CACNA2D3: variants seen among roughly 807,000 people sequenced by gnomAD.
The protein encoded by CACNA2D3 is calcium voltage-gated channel auxiliary subunit alpha2delta 3.
In CACNA2D3, 60 loss-of-function variants were observed where a neutral mutation model predicts 160.6. The observed-to-expected ratio is 0.37, with a 90% CI of 0.30 to 0.46. CACNA2D3 has a LOEUF of 0.46. CACNA2D3 is among the 20% of genes least tolerant of loss of function. CACNA2D3 has a pLI of 1.00. For missense variants in CACNA2D3, 1,205 were observed against 1,365.0 expected (o/e 0.88, Z 1.85); for synonymous variants, 558 against 492.9 (o/e 1.13, Z -1.75).
chr3:54,932,597 C>G (rs1311001140), intron 27 of CACNA2D3, among the ~76,000 whole-genome samples: 1 of 152,194 alleles, frequency 6.6e-6, no homozygotes, highest in Non-Finnish European at 1.5e-5. Context: ...ATATAGCATG[C>G]CTAGAGTTTG....
chr3:54,123,704 A>T, intron 2 of CACNA2D3, 110 bp downstream of exon 2: 1 of 872,050 alleles, frequency 1.1e-6, no homozygotes, highest in South Asian at 1.4e-5. Context: ...TTATCGGAGG[A>T]CTCTCTGATC....
chr3:54,263,308 A>G (rs1162497500), intron 2 of CACNA2D3, among the ~76,000 whole-genome samples: 1 of 152,248 alleles, frequency 6.6e-6, no homozygotes, highest in East Asian at 1.9e-4. Context: ...AAAAATTAAT[A>G]GTCAGAAATA....
chr3:54,996,782 T>C (rs756303188), intron 31 of CACNA2D3, among the ~76,000 whole-genome samples: 2 of 152,038 alleles, frequency 1.3e-5, no homozygotes, highest in Admixed American at 6.6e-5. Flanking sequence ...CAAATGCCCA[T>C]CAATGATAGA....
chr3:54,610,056 C>T (rs1051821260), intron 9 of CACNA2D3, among the ~76,000 whole-genome samples: 1 of 152,138 alleles, frequency 6.6e-6, no homozygotes, highest in South Asian at 2.1e-4. Context: ...TCCTTGGCAT[C>T]TAGATGCATC....
intron 25 of CACNA2D3, among the ~76,000 whole-genome samples, chr3:54,893,015 C>T (rs1043543113): frequency 6.6e-6 from 1 of 152,180 alleles, no homozygotes; most frequent in African/African-American, 2.4e-5. Context: ...GTGACTCATG[C>T]CTGTAATCCC....
At chr3:54,565,839 C>A (rs1284764924) in intron 6 of CACNA2D3, among the ~76,000 whole-genome samples, 1 of 152,140 alleles carries the variant, frequency 6.6e-6, no homozygotes, top group African/African-American at 2.4e-5. Context: ...ATAGTTCTTA[C>A]TTTATAAAAT....
intron 14 of CACNA2D3, among the ~76,000 whole-genome samples, chr3:54,826,142 G>A: frequency 6.6e-6 from 1 of 152,118 alleles, no homozygotes; most frequent in East Asian, 1.9e-4. Flanking sequence ...ATATTTAATG[G>A]TCTGGTCATG....
At chr3:54,231,688 T>C (rs1701772203) in intron 2 of CACNA2D3, among the ~76,000 whole-genome samples, 2 of 152,350 alleles carry the variant, frequency 1.3e-5, no homozygotes, top group East Asian at 3.9e-4. Context: ...TAAACTACTA[T>C]TAGGTAATTT....
At chr3:54,310,987 T>C (rs1013124184) in intron 2 of CACNA2D3, among the ~76,000 whole-genome samples, 2 of 152,168 alleles carry the variant, frequency 1.3e-5, no homozygotes, top group East Asian at 1.9e-4. Flanking sequence ...CTCGGCACCA[T>C]GACAAACTTG....
chr3:54,473,731 ACAGAC>A (rs1255243090), intron 4 of CACNA2D3, among the ~76,000 whole-genome samples: 2 of 152,252 alleles, frequency 1.3e-5, no homozygotes, highest in Non-Finnish European at 2.9e-5. Flanking sequence ...AAGGAAATCA[ACAGAC>A]ACTTCTCAAA....
intron 9 of CACNA2D3, among the ~76,000 whole-genome samples, chr3:54,604,683 G>A (rs1703131764): frequency 1.3e-5 from 2 of 152,150 alleles, no homozygotes; most frequent in African/African-American, 4.8e-5. Context: ...ACCCTGGGCT[G>A]AGCCACCATT....
At chr3:54,931,095 CAAAACAAAACAA>C (rs1701177673) in intron 27 of CACNA2D3, among the ~76,000 whole-genome samples, 4 of 152,054 alleles carry the variant, frequency 2.6e-5, no homozygotes, top group Admixed American at 6.6e-5. Flanking sequence ...GACTCCTTCT[CAAAACAAAACAA>C]AAAACAAAGT....
chr3:54,906,081 A>C (rs1024630961), intron 27 of CACNA2D3, among the ~76,000 whole-genome samples: 1 of 152,128 alleles, frequency 6.6e-6, no homozygotes, highest in Non-Finnish European at 1.5e-5. Context: ...TTCCCAATGA[A>C]GAATTGTTCC....
At chr3:54,286,422 A>G (rs374803947) in intron 2 of CACNA2D3, among the ~76,000 whole-genome samples, 1 of 152,192 alleles carries the variant, frequency 6.6e-6, no homozygotes, top group Non-Finnish European at 1.5e-5. Flanking sequence ...AGAAATATGG[A>G]ACTATGTGAA....
At chr3:54,483,216 G>C (rs1700961600) in intron 4 of CACNA2D3, among the ~76,000 whole-genome samples, 1 of 152,182 alleles carries the variant, frequency 6.6e-6, no homozygotes, top group Admixed American at 6.5e-5. Flanking sequence ...TGCATTTGCT[G>C]TAAGAGCTTG....
intron 9 of CACNA2D3, chr3:54,626,452 C>G: frequency 6.3e-7 from 1 of 1,596,960 alleles, no homozygotes. Flanking sequence ...GACGCACCTG[C>G]GTGACGTGAT....
chr3:54,822,791 C>CTTTCTTTCT (rs1703653958), intron 14 of CACNA2D3, among the ~76,000 whole-genome samples: 5 of 44,434 alleles, frequency 1.1e-4, no homozygotes, highest in African/African-American at 4.0e-4. Flanking sequence ...TCTTTCTTTC[C>CTTTCTTTCT]TTTCTTTCTT....
intron 35 of CACNA2D3, among the ~76,000 whole-genome samples, chr3:55,054,729 G>C (rs1459619363): frequency 6.6e-6 from 1 of 151,822 alleles, no homozygotes; most frequent in African/African-American, 2.4e-5. Context: ...CACAATTACT[G>C]TACAAGTTTC....
intron 2 of CACNA2D3, among the ~76,000 whole-genome samples, chr3:54,181,051 C>A (rs929203173): frequency 6.6e-6 from 1 of 152,158 alleles, no homozygotes; most frequent in Non-Finnish European, 1.5e-5. Context: ...GGAGGCTTCC[C>A]TCTTCTCTGT....
Sources: allele counts gnomAD v4.1 joint callset (sites outside exome capture counted in the v4.1 genomes callset), GRCh38; gene constraint gnomAD v4.1.1; transcripts MANE v1.5; gene names NCBI Gene and HGNC (gene_info 2026-07-23, HGNC 2026-07-21).